Variants in OSTN observed in about 807,000 individuals in gnomAD.
The protein encoded by OSTN is osteocrin.
In OSTN, 9 loss-of-function variants were observed where a neutral mutation model predicts 12.0. That is an observed-to-expected ratio of 0.75 (90% confidence interval 0.45 to 1.30). The LOEUF (loss-of-function observed/expected upper bound fraction) is 1.30, where lower values mean the gene tolerates loss of function less well. Ranked by LOEUF, OSTN falls within the 50% of genes most tolerant of loss-of-function variation. OSTN has a pLI of 0.00. For missense variants in OSTN, 148 were observed against 152.3 expected (o/e 0.97, Z 0.15); for synonymous variants, 59 against 56.9 (o/e 1.04, Z -0.16).
chr3:191,259,710 G>T (rs532810723), intron 4 of OSTN, among the ~76,000 whole-genome samples: 13 of 151,962 alleles, frequency 8.6e-5, no homozygotes, highest in African/African-American at 2.9e-4. Flanking sequence ...TTAACTATTA[G>T]ACCACAAGGC....
chr3:191,209,439 G>A (rs779763446), intron 1 of OSTN, among the ~76,000 whole-genome samples: 19 of 152,174 alleles, frequency 1.2e-4, no homozygotes, highest in Non-Finnish European at 2.5e-4. Flanking sequence ...GAAAATCTCA[G>A]TTCAAATATC....
At chr3:191,241,257 C>A (rs1174346254) in intron 3 of OSTN, among the ~76,000 whole-genome samples, 1 of 136,850 alleles carries the variant, frequency 7.3e-6, no homozygotes, top group East Asian at 2.3e-4. Flanking sequence ...CGGCTTACTG[C>A]AAGTTCCGCC....
chr3:191,203,062 T>A (rs376556345), intron 1 of OSTN, among the ~76,000 whole-genome samples: 2 of 152,244 alleles, frequency 1.3e-5, no homozygotes, highest in East Asian at 3.8e-4. Flanking sequence ...TACTAATGGA[T>A]GTATCAGGAT....
At chr3:191,232,324 C>T (rs1715077666) in intron 3 of OSTN, among the ~76,000 whole-genome samples, 2 of 100,768 alleles carry the variant, frequency 2.0e-5, no homozygotes, top group Admixed American at 2.5e-4. Context: ...CAGAGGGAGA[C>T]TCTGTCTAAA....
intron 3 of OSTN, 88 bp downstream of exon 3, chr3:191,219,049 A>C: frequency 8.5e-7 from 1 of 1,174,040 alleles, no homozygotes; most frequent in East Asian, 2.5e-5. Flanking sequence ...TGAAAAATAC[A>C]GTGAAAACCT....
At chr3:191,240,091 A>G (rs1240001807) in intron 3 of OSTN, among the ~76,000 whole-genome samples, 1 of 151,988 alleles carries the variant, frequency 6.6e-6, no homozygotes, top group East Asian at 1.9e-4. Flanking sequence ...TAGAATTGAG[A>G]AAAAAAGCCA....
At chr3:191,204,515 C>T (rs1489653163) in intron 1 of OSTN, among the ~76,000 whole-genome samples, 1 of 152,096 alleles carries the variant, frequency 6.6e-6, no homozygotes, top group African/African-American at 2.4e-5. Context: ...TTACCCATTT[C>T]TAAGCTTCTA....
chr3:191,230,072 A>G (rs1390904715), intron 3 of OSTN, among the ~76,000 whole-genome samples: 1 of 150,244 alleles, frequency 6.7e-6, no homozygotes, highest in East Asian at 2.0e-4. Flanking sequence ...GTCTCAATAA[A>G]TAAATAAATA....
intron 1 of OSTN, among the ~76,000 whole-genome samples, chr3:191,201,643 G>T (rs1714155157): frequency 6.6e-6 from 1 of 152,030 alleles, no homozygotes; most frequent in Admixed American, 6.6e-5. Flanking sequence ...TAATGATAAT[G>T]CACCAAATGT....
chr3:191,231,286 A>G (rs1291398109), intron 3 of OSTN, among the ~76,000 whole-genome samples: 1 of 152,142 alleles, frequency 6.6e-6, no homozygotes. Context: ...TGATACTTCA[A>G]ACATAATACA....
At chr3:191,208,750 A>G (rs1371275203) in intron 1 of OSTN, among the ~76,000 whole-genome samples, 1 of 152,276 alleles carries the variant, frequency 6.6e-6, no homozygotes, top group African/African-American at 2.4e-5. Flanking sequence ...GGAAAGGCAT[A>G]TAAATTTGGG....
intron 3 of OSTN, among the ~76,000 whole-genome samples, chr3:191,245,425 G>A (rs559584925): frequency 6.6e-6 from 1 of 152,270 alleles, no homozygotes; most frequent in East Asian, 1.9e-4. Context: ...TATCAAAAAG[G>A]AAAGAGTAGC....
chr3:191,214,065 C>A (rs1028862020), intron 2 of OSTN, among the ~76,000 whole-genome samples: 2 of 151,982 alleles, frequency 1.3e-5, no homozygotes, highest in Non-Finnish European at 2.9e-5. Context: ...TTGTAATTTT[C>A]TTTTTATATG....
At chr3:191,243,752 ACAT>A (rs1442893933) in intron 3 of OSTN, among the ~76,000 whole-genome samples, 1 of 152,116 alleles carries the variant, frequency 6.6e-6, no homozygotes, top group East Asian at 1.9e-4. Flanking sequence ...ATTATTATTA[ACAT>A]CATTAATAAC....
intron 3 of OSTN, among the ~76,000 whole-genome samples, chr3:191,224,376 C>A (rs1487869553): frequency 6.6e-5 from 8 of 121,722 alleles, no homozygotes; most frequent in African/African-American, 3.0e-5. Context: ...AACTCCATCT[C>A]AGAAAAAAAA....
chr3:191,212,511 C>A, intron 1 of OSTN, 22 bp from the exon 2 acceptor site: 2 of 1,491,202 alleles, frequency 1.3e-6, no homozygotes, highest in Non-Finnish European at 9.2e-7. Context: ...TCAATGCTAA[C>A]TATGACATAT....
In OSTN at chr3:191,263,121, A is replaced by C. The variant is rs1715848711; in HGVS notation, c.*268A>C. On this transcript the variant is annotated 3_prime_UTR_variant, in exon 5 of 5. Transcript: ENST00000682035. Reference sequence around the variant, plus strand: ...TAACTTCCCCTTAAACCTTACTTTTAAAAATAATAATTAAATACACAATAC... The same window carrying C: ...TAACTTCCCCTTAAACCTTACTTTTCAAAATAATAATTAAATACACAATAC... 1 of 435,504 alleles carries C rather than the reference A, an allele frequency of 2.3e-6. No homozygotes were observed. Among genetic ancestry groups the C allele is most frequent in the Admixed American group, 3.9e-5 (1 of 25,626 alleles). The allele number at this position is 435,504 out of a possible 1,614,324, so 27.0% of individuals were successfully genotyped here. A position where few individuals can be genotyped will look rare whatever the true frequency, so the allele number is the denominator to read the frequency against.
chr3:191,212,847 C>T (rs1368337795), intron 2 of OSTN, among the ~76,000 whole-genome samples: 28 of 138,230 alleles, frequency 2.0e-4, no homozygotes, highest in African/African-American at 6.1e-4. Context: ...CTTTTGTAAA[C>T]GTTTCCTTTT....
chr3:191,235,969 C>T (rs73199662), intron 3 of OSTN, among the ~76,000 whole-genome samples: 36,123 of 152,080 alleles, frequency 0.24, 5,142 homozygotes, highest in South Asian at 0.39. Context: ...ATTTTAAACT[C>T]GAAGTGTTTT....
Sources: allele counts gnomAD v4.1 joint callset (sites outside exome capture counted in the v4.1 genomes callset), GRCh38; gene constraint gnomAD v4.1.1; transcripts MANE v1.5; gene names NCBI Gene and HGNC (gene_info 2026-07-23, HGNC 2026-07-21).